SLC11A2: variants seen among roughly 807,000 people sequenced by gnomAD.
SLC11A2 encodes solute carrier family 11 member 2.
SLC11A2 carries 38 observed loss-of-function variants against 68.0 expected under a neutral mutation model. The ratio of observed to expected loss-of-function variants is 0.56; its 90% confidence interval spans 0.43 to 0.73. The LOEUF is 0.73. Ranked by LOEUF, SLC11A2 falls within the 30% of genes least tolerant of loss-of-function variation. SLC11A2 has a pLI of 0.00. For synonymous variants in SLC11A2, 242 were observed against 250.6 expected (o/e 0.97, Z 0.32); for missense variants, 517 against 690.5 (o/e 0.75, Z 2.82).
intron 1 of SLC11A2, among the ~76,000 whole-genome samples, chr12:51,021,508 T>A (rs1192086805): frequency 1.3e-5 from 2 of 151,910 alleles, no homozygotes; most frequent in Admixed American, 6.6e-5. Context: ...GTGCCTGTAA[T>A]CCCAGCTACT....
At chr12:51,016,931 T>C (rs1266806103) in intron 1 of SLC11A2, among the ~76,000 whole-genome samples, 1 of 150,158 alleles carries the variant, frequency 6.7e-6, no homozygotes, top group Non-Finnish European at 1.5e-5. Context: ...GAGGATCACC[T>C]GAGTCTGGGA....
the SLC11A2 span, among the ~76,000 whole-genome samples, chr12:50,957,303 T>G: frequency 6.6e-6 from 1 of 151,826 alleles, no homozygotes; most frequent in Non-Finnish European, 1.5e-5. Flanking sequence ...CTCCACCTCC[T>G]GGGCTCAAGC....
chr12:51,020,256 C>T (rs1943949833), intron 1 of SLC11A2, among the ~76,000 whole-genome samples: 1 of 148,482 alleles, frequency 6.7e-6, no homozygotes. Context: ...TGGGGTCTTG[C>T]TATGTTACTC....
the SLC11A2 span, among the ~76,000 whole-genome samples, chr12:50,970,728 C>T: frequency 6.6e-6 from 1 of 152,046 alleles, no homozygotes; most frequent in Non-Finnish European, 1.5e-5. Context: ...GAACCTAGGG[C>T]ATGATTTTCT....
At position 51,012,777 on chromosome 12, in the gene SLC11A2, G is replaced by A. The variant is rs76265623; in HGVS notation, c.-38-2011C>T. Reference sequence around the variant, plus strand: ...CAATGCCAAGTATTATATTACAACGGACAACTAGCCATGTGTCTCCTGTCA... The same window carrying A: ...CAATGCCAAGTATTATATTACAACGAACAACTAGCCATGTGTCTCCTGTCA... On this transcript the variant is annotated intron_variant, in intron 1 of 15. Coordinates refer to ENST00000262052, the MANE Select transcript of SLC11A2 (RefSeq NM_000617.3). Among the ~76,000 whole-genome samples, 992 of 152,156 alleles carry A rather than the reference G, an allele frequency of 6.5e-3. 14 individuals are homozygous for A. Among genetic ancestry groups the A allele is most frequent in the African/African-American group, 0.022 (922 of 41,516 alleles).
At chr12:50,989,242 C>T (rs1343153504) in intron 15 of SLC11A2, among the ~76,000 whole-genome samples, 4 of 152,182 alleles carry the variant, frequency 2.6e-5, no homozygotes, top group African/African-American at 9.6e-5. Context: ...GTAATCCCAA[C>T]ACTTCAGGAG....
intron 3 of SLC11A2, 119 bp from the exon 4 acceptor site, chr12:51,005,555 T>C: frequency 6.5e-7 from 1 of 1,536,940 alleles, no homozygotes; most frequent in Non-Finnish European, 8.8e-7. Flanking sequence ...GGATTTACAA[T>C]GTCAGATATT....
At chr12:50,982,950 A>C (rs568083424), downstream of SLC11A2, among the ~76,000 whole-genome samples, 5 of 152,014 alleles carry the variant, frequency 3.3e-5, no homozygotes, top group South Asian at 4.2e-4. Context: ...AAAAAAAAAA[A>C]AAAAAAACCC....
intron 15 of SLC11A2, among the ~76,000 whole-genome samples, chr12:50,989,236 T>A (rs1940904613): frequency 6.6e-6 from 1 of 152,134 alleles, no homozygotes; most frequent in Admixed American, 6.6e-5. Flanking sequence ...ATGCCTGTAA[T>A]CCCAACACTT....
chr12:50,954,055 A>C, the SLC11A2 span: 1 of 1,613,258 alleles, frequency 6.2e-7, no homozygotes, highest in Non-Finnish European at 8.5e-7. Context: ...TATCCCGACT[A>C]ATCAGGAAAT....
chr12:50,965,983 T>A, the SLC11A2 span, among the ~76,000 whole-genome samples: 1 of 152,230 alleles, frequency 6.6e-6, no homozygotes. Flanking sequence ...TCACCAAACC[T>A]AGAGCTTTTC....
the SLC11A2 span, among the ~76,000 whole-genome samples, chr12:50,963,838 G>C: frequency 6.6e-6 from 1 of 152,198 alleles, no homozygotes; most frequent in Admixed American, 6.5e-5. Context: ...TACTTCAACT[G>C]ACATAATATA....
Position 50,987,358 on chromosome 12 carries a change from A to C in SLC11A2, c.*967T>G. On this transcript the variant is annotated 3_prime_UTR_variant, in exon 16 of 16. Coordinates refer to ENST00000262052, the MANE Select transcript of SLC11A2 (RefSeq NM_000617.3). Reference sequence around the variant, plus strand: ...TCTTGGGCATGAAGCAGAGCGGTGCATCAGAAAAACATGACGATTCTGCTG... The same window carrying C: ...TCTTGGGCATGAAGCAGAGCGGTGCCTCAGAAAAACATGACGATTCTGCTG... The C allele has an allele frequency of 7.8e-6, 10 of 1,287,208 alleles. No homozygotes were observed. Among genetic ancestry groups the C allele is most frequent in the South Asian group, 2.5e-5 (2 of 80,938 alleles). 79.7% of individuals were successfully genotyped at this position (1,287,208 alleles called of 1,614,324 possible). A position where few individuals can be genotyped will look rare whatever the true frequency, so the allele number is the denominator to read the frequency against.
chr12:50,991,529 G>T, intron 14 of SLC11A2, 70 bp downstream of exon 14: 1 of 1,176,372 alleles, frequency 8.5e-7, no homozygotes, highest in Non-Finnish European at 1.3e-6. Flanking sequence ...ACGTCTGACT[G>T]GCCTACTGCA....
intron 3 of SLC11A2, chr12:51,008,253 G>T (rs399080): frequency 5.0e-4 from 157 of 311,736 alleles, no homozygotes; most frequent in East Asian, 3.5e-3. Flanking sequence ...TAGATAGATA[G>T]ATAGATAGAC....
downstream of SLC11A2, chr12:50,979,533 AGTT>A (rs1395263812): frequency 1.1e-5 from 2 of 187,344 alleles, no homozygotes; most frequent in South Asian, 1.0e-4. Context: ...TTTCATCTAG[AGTT>A]GTTGTCCTGT....
the SLC11A2 span, among the ~76,000 whole-genome samples, chr12:50,971,631 C>G: frequency 6.6e-6 from 1 of 152,214 alleles, no homozygotes; most frequent in South Asian, 2.1e-4. Context: ...AAAAAATTAA[C>G]TAGGCTTTGC....
Position 50,992,891 on chromosome 12 carries a change from G to T in SLC11A2, c.1116C>A (p.Leu372=). Residue 372 remains leucine (L), a synonymous_variant, in exon 12 of 16, where the codon CTC becomes CTA. Coordinates refer to ENST00000262052, the MANE Select transcript of SLC11A2 (RefSeq NM_000617.3). ...CCAGGATCCCCACTGCCCAAATGTA[G>T]AGTGCAGCAGGCCCAAAGTAACATC... ...VLGCYFGPAA[L]YIWAVGILAA... The T allele has an allele frequency of 6.2e-7, 1 of 1,614,024 alleles. No homozygotes were observed. Among genetic ancestry groups the T allele is most frequent in the Non-Finnish European group, 8.5e-7 (1 of 1,179,980 alleles).
rs1287253748 is a variant in SLC11A2 at position 51,005,578 on chromosome 12, G to C, written c.184-142C>G. On this transcript the variant is annotated intron_variant, in intron 3 of 15. Transcript: ENST00000262052. ...AATGTCAGATATTGCATGTGTCCAA[G>C]TTTCACCTCCATCTTACCCACTTTT... 6 of 1,497,416 alleles carry C rather than the reference G, an allele frequency of 4.0e-6. No homozygotes were observed. The Admixed American group carries it at 1.0e-4, about 25-fold the overall frequency. The allele number at this position is 1,497,416 out of a possible 1,614,324, so 92.8% of individuals were successfully genotyped here.
Sources: allele counts gnomAD v4.1 joint callset (sites outside exome capture counted in the v4.1 genomes callset), GRCh38; gene constraint gnomAD v4.1.1; transcripts MANE v1.5; gene names NCBI Gene and HGNC (gene_info 2026-07-23, HGNC 2026-07-21).